The following PTPN6 variants were observed in gnomAD, a reference collection of about 807,000 sequenced individuals.
PTPN6 encodes tyrosine-protein phosphatase non-receptor type 6.
In PTPN6, 18 loss-of-function variants were observed where a neutral mutation model predicts 81.5. That is an observed-to-expected ratio of 0.22 (90% CI 0.15 to 0.33). The LOEUF is 0.33. Among genes scored for constraint, PTPN6 ranks in the 10% least tolerant of loss-of-function variants. The pLI is 1.00. For missense variants in PTPN6, 500 were observed against 794.2 expected (o/e 0.63, Z 4.45); for synonymous variants, 301 against 310.9 (o/e 0.97, Z 0.33).
Position 6,955,462 on chromosome 12 carries a change from G to C in PTPN6, c.724G>C (p.Ala242Pro). 6.2e-7 allele frequency: 1 copy of C among 1,614,160 alleles called. No homozygotes were observed. Reference protein sequence around the residue: ...KKQESEDTAKAGFWEEFESLQ... With the variant: ...KKQESEDTAKPGFWEEFESLQ... Reference sequence around the variant, plus strand: ...GCAGGAGTCCGAGGATACAGCCAAGGCTGGCTTCTGGGAGGAGTTTGAGGT... The same window carrying C: ...GCAGGAGTCCGAGGATACAGCCAAGCCTGGCTTCTGGGAGGAGTTTGAGGT... Residue 242 changes from alanine to proline, a missense_variant, in exon 6 of 16, where the codon GCT becomes CCT. Around this residue, in one of 6 missense-constraint regions of PTPN6, gnomAD observed 96 missense variants for 137.3 expected, o/e 0.70. Coordinates refer to ENST00000318974, the MANE Select transcript of PTPN6 (RefSeq NM_002831.6). The surrounding 1 kb of genome is among the most constrained non-coding windows in gnomAD (Gnocchi z 7.2).
At chr12:6,946,666 C>G (rs782561679), upstream of PTPN6, 6 of 1,459,484 alleles carry the variant, frequency 4.1e-6, no homozygotes, top group Middle Eastern at 1.8e-4. Flanking sequence ...ACAGCTGTGC[C>G]GCTGGCTCAG....
chr12:6,955,228 G>C lies in PTPN6; in HGVS notation c.594G>C (p.Gly198=). 1 of 1,614,228 alleles carries C rather than the reference G, an allele frequency of 6.2e-7. No homozygotes were observed. Among genetic ancestry groups the C allele is most frequent in the Non-Finnish European group, 8.5e-7 (1 of 1,180,032 alleles). The change falls in exon 5 of 16, where the codon GGG becomes GGC. Residue 198 remains glycine (G), a synonymous_variant. Coordinates refer to ENST00000318974, the MANE Select transcript of PTPN6 (RefSeq NM_002831.6). This position sits in a 1 kb window ranked among gnomAD's most constrained non-coding sequence, Gnocchi z 7.2. ...TDLVEHFKKT[G]IEEASGAFVY... ...TGGTGGAGCATTTCAAGAAGACGGG[G>C]ATTGAGGAGGCCTCAGGCGCCTTTG...
upstream of PTPN6, chr12:6,946,604 G>A (rs1945821140): frequency 5.1e-6 from 4 of 780,112 alleles, no homozygotes; most frequent in Non-Finnish European, 6.7e-6. Flanking sequence ...GATCGAGGAG[G>A]AAGTGGCTGA....
chr12:6,960,769 C>T lies in PTPN6; in HGVS notation c.1674-37C>T. 2 of 1,552,226 alleles carry T rather than the reference C, an allele frequency of 1.3e-6. No homozygotes were observed. The highest frequency in any genetic ancestry group is 2.4e-5 in the South Asian group (2 of 84,118). ...CCCTGTGCTGTCTCCTGACCTGCAC[C>T]AACTGCCTGTACTTGCCCCCCTGCA... On this transcript the variant is annotated intron_variant, in intron 14 of 15. Transcript: ENST00000318974. This position sits in a 1 kb window ranked among gnomAD's most constrained non-coding sequence, Gnocchi z 6.1.
At position 6,960,075 on chromosome 12, in the gene PTPN6, G is replaced by GC; in HGVS notation, c.1430-7dup. The GC allele has an allele frequency of 1.2e-6, 2 of 1,613,476 alleles. No homozygotes were observed. The highest frequency in any genetic ancestry group is 8.5e-7 in the Non-Finnish European group (1 of 1,179,994). Reference sequence around the variant, plus strand: ...CTATGCCTGGACCTGAGGTTTGACTGCCCCCCACCCAGGCCTGGACTGTGA... The same window carrying GC: ...CTATGCCTGGACCTGAGGTTTGACTGCCCCCCCACCCAGGCCTGGACTGTGA... On this transcript the variant is annotated splice_polypyrimidine_tract_variant and intron_variant, in intron 12 of 15. Coordinates refer to ENST00000318974, the MANE Select transcript of PTPN6 (RefSeq NM_002831.6). This position sits in a 1 kb window ranked among gnomAD's most constrained non-coding sequence, Gnocchi z 6.1.
upstream of PTPN6, among the ~76,000 whole-genome samples, chr12:6,950,997 A>G (rs1425925269): frequency 1.3e-5 from 2 of 152,212 alleles, no homozygotes; most frequent in East Asian, 3.8e-4. Context: ...ACTCGATGAC[A>G]GTTGTCACCG....
rs1555148215 is a variant in PTPN6 at position 6,954,342 on chromosome 12, C to T, written c.327-463C>T. 1.3e-5 allele frequency among the ~76,000 whole-genome samples: 2 copies of T among 152,230 alleles called. No individual in the cohort carries two copies. Among genetic ancestry groups the T allele is most frequent in the African/African-American group, 4.8e-5 (2 of 41,454 alleles). The stretch of plus-strand genomic sequence containing the variant: ...GTCTCTGCTGGGGCACAGTCCCATC[C>T]TTCACGGAGATTCATCCTTAGCTTC... On this transcript the variant is annotated intron_variant, in intron 3 of 15. Coordinates refer to ENST00000318974, the MANE Select transcript of PTPN6 (RefSeq NM_002831.6). The surrounding 1 kb of genome is among the most constrained non-coding windows in gnomAD (Gnocchi z 5.4).
In PTPN6 at chr12:6,954,377, A is replaced by G. The variant is rs1172160520; in HGVS notation, c.327-428A>G. Among the ~76,000 whole-genome samples, 2 of 152,132 alleles carry G rather than the reference A, an allele frequency of 1.3e-5. No homozygotes were observed. The highest frequency in any genetic ancestry group is 2.9e-5 in the Non-Finnish European group (2 of 68,030). On this transcript the variant is annotated intron_variant, in intron 3 of 15. Transcript: ENST00000318974. The surrounding 1 kb of genome is among the most constrained non-coding windows in gnomAD (Gnocchi z 5.4). ...ATTCATCCTTAGCTTCTCTCCTCCA[A>G]ATATTTTGAATATTGCCAGCCTTTC...
chr12:6,955,385 C>G lies in PTPN6; in HGVS notation c.647C>G (p.Thr216Arg). 6.2e-7 allele frequency: 1 copy of G among 1,614,092 alleles called. No homozygotes were observed. The highest frequency in any genetic ancestry group is 8.5e-7 in the Non-Finnish European group (1 of 1,180,002). Residue 216 changes from threonine (T) to arginine (R), a missense_variant, in exon 6 of 16, where the codon ACG (threonine) becomes AGG (arginine). Coordinates refer to ENST00000318974, the MANE Select transcript of PTPN6 (RefSeq NM_002831.6). This position sits in a 1 kb window ranked among gnomAD's most constrained non-coding sequence, Gnocchi z 7.2. ...FVYLRQPYYA[T>R]RVNAADIENR... ...TCCCCACCCCAGCCGTACTATGCCA[C>G]GAGGGTGAATGCGGCTGACATTGAG...
chr12:6,961,036 C>T (rs1946131094), intron 15 of PTPN6, 90 bp from the exon 16 acceptor site: 1 of 1,528,836 alleles, frequency 6.5e-7, no homozygotes, highest in Admixed American at 2.0e-5. Flanking sequence ...GCCGCAGCCT[C>T]ATTCTGTGCT....
Position 6,955,060 on chromosome 12 carries a change from C to A in PTPN6, c.516+66C>A. 6.2e-7 allele frequency: 1 copy of A among 1,607,932 alleles called. No individual in the cohort carries two copies. The highest frequency in any genetic ancestry group is 8.5e-7 in the Non-Finnish European group (1 of 1,174,616). On this transcript the variant is annotated intron_variant, in intron 4 of 15. Transcript: ENST00000318974. The surrounding 1 kb of genome is among the most constrained non-coding windows in gnomAD (Gnocchi z 7.2). ...CTGTCTGTGACCACAGTGTGGGTGGCAGGGAGGGTCTGCCTGGGCTTGAAT... is the reference window on the plus strand; with the variant it reads ...CTGTCTGTGACCACAGTGTGGGTGGAAGGGAGGGTCTGCCTGGGCTTGAAT...
At chr12:6,950,505 G>A (rs1565579136), upstream of PTPN6, among the ~76,000 whole-genome samples, 1 of 152,116 alleles carries the variant, frequency 6.6e-6, no homozygotes, top group Non-Finnish European at 1.5e-5. Context: ...CCCCTGGTGG[G>A]AGTGCTGGGG....
upstream of PTPN6, among the ~76,000 whole-genome samples, chr12:6,948,481 G>A (rs1320087821): frequency 7.3e-5 from 9 of 123,008 alleles, no homozygotes; most frequent in South Asian, 2.6e-4. Flanking sequence ...AGGGAAGGAA[G>A]AAAGAAAAAG....
rs1238176040 is a variant in PTPN6, at chr12:6,956,610, G to A, written c.1074+42G>A. 5 of 1,611,578 alleles carry A rather than the reference G, an allele frequency of 3.1e-6. No individual in the cohort carries two copies. In the African/African-American group the frequency reaches 6.7e-5, roughly 22 times the overall value. ...TCCCCGCATCCGCCCCCGTGCTTGTGGTCATGCCATTAAGTCGAAGAGCAG... is the reference window on the plus strand; with the variant it reads ...TCCCCGCATCCGCCCCCGTGCTTGTAGTCATGCCATTAAGTCGAAGAGCAG... On this transcript the variant is annotated intron_variant, in intron 9 of 15. Transcript: ENST00000318974. This position sits in a 1 kb window ranked among gnomAD's most constrained non-coding sequence, Gnocchi z 4.1.
chr12:6,957,553 T>C lies in PTPN6; in HGVS notation c.1075-101T>C, dbSNP rs782587727. The C allele has an allele frequency of 3.6e-4, 527 of 1,452,458 alleles. 1 individual carries two copies. Among genetic ancestry groups the C allele is most frequent in the Non-Finnish European group, 4.5e-4 (483 of 1,062,514 alleles). 90.0% of individuals were successfully genotyped at this position (1,452,458 alleles called of 1,614,324 possible). ...CCAGCCCATCCGTCCATCCAACAAA[T>C]GTTTGGGCCGGTGCCAGGCACTCAG... On this transcript the variant is annotated intron_variant, in intron 9 of 15. Transcript: ENST00000318974. This position sits in a 1 kb window ranked among gnomAD's most constrained non-coding sequence, Gnocchi z 6.5.
chr12:6,959,724 C>A lies in PTPN6; in HGVS notation c.1362-203C>A. 1.6e-6 allele frequency: 1 copy of A among 628,338 alleles called. No individual in the cohort carries two copies. Among genetic ancestry groups the A allele is most frequent in the Admixed American group, 2.7e-5 (1 of 37,546 alleles). The allele number at this position is 628,338 out of a possible 1,614,324, so 38.9% of individuals were successfully genotyped here. A position where few individuals can be genotyped will look rare whatever the true frequency, so the allele number is the denominator to read the frequency against. ...GGCAGCTGGGGAGCCAGCGTCAGCA[C>A]CGCAGAGCCCGAGGTGGAGCGTGTC... On this transcript the variant is annotated intron_variant, in intron 11 of 15. Coordinates refer to ENST00000318974, the MANE Select transcript of PTPN6 (RefSeq NM_002831.6). The surrounding 1 kb of genome is among the most constrained non-coding windows in gnomAD (Gnocchi z 6.6).
At position 6,957,638 on chromosome 12, in the gene PTPN6, G is replaced by A. The variant is rs145915773; in HGVS notation, c.1075-16G>A. On this transcript the variant is annotated splice_polypyrimidine_tract_variant and intron_variant, in intron 9 of 15. Coordinates refer to ENST00000318974, the MANE Select transcript of PTPN6 (RefSeq NM_002831.6). This position sits in a 1 kb window ranked among gnomAD's most constrained non-coding sequence, Gnocchi z 6.5. ...CCTGCTCTGTGCCTCATCCCCACCC[G>A]ACCCTCCCTTTCCAGAACAAATGCG... 555 of 836,422 alleles carry A rather than the reference G, an allele frequency of 6.6e-4. 1 individual carries two copies. In the East Asian group the frequency reaches 7.3e-3, roughly 11 times the overall value. The allele number at this position is 836,422 out of a possible 1,614,324, so 51.8% of individuals were successfully genotyped here. A position where few individuals can be genotyped will look rare whatever the true frequency, so the allele number is the denominator to read the frequency against.
chr12:6,951,362 G>C lies in PTPN6; in HGVS notation c.-151G>C. 1.3e-6 allele frequency: 2 copies of C among 1,539,530 alleles called. No homozygotes were observed. The highest frequency in any genetic ancestry group is 2.0e-5 in the Admixed American group (1 of 50,766). On this transcript the variant is annotated 5_prime_UTR_variant, in exon 1 of 16. Coordinates refer to ENST00000318974, the MANE Select transcript of PTPN6 (RefSeq NM_002831.6). The surrounding 1 kb of genome is among the most constrained non-coding windows in gnomAD (Gnocchi z 7.2). ...CTGCCGGCTGCCCCAGGCCAGTGGA[G>C]TGGCAGCCCCAGAACTGGGACCACC...
chr12:6,954,766 T>C lies in PTPN6; in HGVS notation c.327-39T>C. 1 of 1,597,990 alleles carries C rather than the reference T, an allele frequency of 6.3e-7. No individual in the cohort carries two copies. Among genetic ancestry groups the C allele is most frequent in the Non-Finnish European group, 8.5e-7 (1 of 1,170,938 alleles). Reference sequence around the variant, plus strand: ...TGTCTCTGCTCAGCGCCTTCCCCTGTGGCCTGGGTCTTACCTTCCCTGACG... The same window carrying C: ...TGTCTCTGCTCAGCGCCTTCCCCTGCGGCCTGGGTCTTACCTTCCCTGACG... On this transcript the variant is annotated intron_variant, in intron 3 of 15. Coordinates refer to ENST00000318974, the MANE Select transcript of PTPN6 (RefSeq NM_002831.6). This position sits in a 1 kb window ranked among gnomAD's most constrained non-coding sequence, Gnocchi z 5.4.
Sources: allele counts gnomAD v4.1 joint callset (sites outside exome capture counted in the v4.1 genomes callset), GRCh38; gene constraint gnomAD v4.1.1; regional missense constraint gnomAD v4.1.1; non-coding constraint Gnocchi (gnomAD v3.1); transcripts MANE v1.5; gene names NCBI Gene and HGNC (gene_info 2026-07-23, HGNC 2026-07-21).